Variants in DAB1 observed in about 807,000 individuals in gnomAD.
DAB1 encodes the protein disabled homolog 1.
DAB1 carries 15 observed loss-of-function variants against 64.6 expected under a neutral mutation model. That is an observed-to-expected ratio of 0.23 (90% CI 0.16 to 0.36). DAB1 has a LOEUF of 0.36. DAB1 is among the 10% of genes least tolerant of loss of function. DAB1 has a pLI of 1.00. For synonymous variants in DAB1, 235 were observed against 251.9 expected (o/e 0.93, Z 0.64); for missense variants, 596 against 706.7 (o/e 0.84, Z 1.78).
intron 6 of DAB1, among the ~76,000 whole-genome samples, chr1:57,693,293 G>T (rs1306333250): frequency 6.6e-6 from 1 of 151,148 alleles, no homozygotes; most frequent in East Asian, 1.9e-4. Context: ...ATTAAGAGGT[G>T]AAGCCAGCTG....
chr1:58,358,429 C>G (rs933951416), intron 3 of DAB1, among the ~76,000 whole-genome samples: 1 of 152,188 alleles, frequency 6.6e-6, no homozygotes, highest in Admixed American at 6.5e-5. Context: ...AAAAAAAGCA[C>G]TGCCACCAAC....
chr1:58,128,467 G>A (rs1653289698), intron 5 of DAB1, among the ~76,000 whole-genome samples: 1 of 131,414 alleles, frequency 7.6e-6, no homozygotes, highest in South Asian at 3.0e-4. Context: ...CTGCCTAATT[G>A]CCCTGGCCAG....
intron 3 of DAB1, among the ~76,000 whole-genome samples, chr1:58,445,696 A>C (rs1645057858): frequency 6.6e-6 from 1 of 152,212 alleles, no homozygotes; most frequent in African/African-American, 2.4e-5. Flanking sequence ...GCTTTCCTTC[A>C]AGGAGTGACA....
At chr1:57,357,443 A>G (rs940669885) in intron 1 of DAB1, among the ~76,000 whole-genome samples, 2 of 151,264 alleles carry the variant, frequency 1.3e-5, no homozygotes, top group African/African-American at 4.9e-5. Flanking sequence ...CCATAGTACT[A>G]TAAAATATAA....
intron 2 of DAB1, among the ~76,000 whole-genome samples, chr1:57,222,640 C>CCAGGGAATCTGGACCTGATTCACTG (rs1666969037): frequency 1.3e-5 from 2 of 152,184 alleles, no homozygotes; most frequent in Middle Eastern, 3.4e-3. Context: ...GTTCACAATG[C>CCAGGGAATCTGGACCTGATTCACTG]CAGGGAATCT....
At chr1:57,232,720 T>C (rs1667778495) in intron 2 of DAB1, among the ~76,000 whole-genome samples, 1 of 152,122 alleles carries the variant, frequency 6.6e-6, no homozygotes, top group East Asian at 1.9e-4. Flanking sequence ...TGAGCTGACA[T>C]TTATTAGGCA....
Position 57,340,669 on chromosome 1 carries a change from A to T in DAB1, c.-136-49503T>A, listed in dbSNP as rs574860547. 3.9e-5 allele frequency among the ~76,000 whole-genome samples: 6 copies of T among 152,216 alleles called. No individual in the cohort carries two copies. In the East Asian group the frequency reaches 1.2e-3, roughly 29 times the overall value. The stretch of plus-strand genomic sequence containing the variant: ...TAACAATAGGTAACATTTATTGAGT[A>T]TCAGTCTTGTGCCTGGCCTCAAAGT... On this transcript the variant is annotated intron_variant, in intron 1 of 14. Transcript: ENST00000371236.
At chr1:57,643,765 T>C (rs1646158840) in intron 7 of DAB1, among the ~76,000 whole-genome samples, 1 of 152,196 alleles carries the variant, frequency 6.6e-6, no homozygotes, top group South Asian at 2.1e-4. Context: ...GCTCAACACT[T>C]GGTCACAATT....
At chr1:58,135,434 C>T (rs1183979569) in intron 5 of DAB1, among the ~76,000 whole-genome samples, 1 of 152,130 alleles carries the variant, frequency 6.6e-6, no homozygotes, top group Admixed American at 6.5e-5. Context: ...GTACCTGGTA[C>T]TCAGTGCTGA....
chr1:57,338,546 G>T (rs1007790114), intron 1 of DAB1, among the ~76,000 whole-genome samples: 1 of 152,120 alleles, frequency 6.6e-6, no homozygotes, highest in African/African-American at 2.4e-5. Context: ...CTATTTTTAT[G>T]CAAGTTTCTG....
At chr1:57,241,417 G>A (rs530177061) in intron 2 of DAB1, among the ~76,000 whole-genome samples, 1 of 152,126 alleles carries the variant, frequency 6.6e-6, no homozygotes, top group Non-Finnish European at 1.5e-5. Context: ...AAAACACCCA[G>A]GTTTCATTCT....
At chr1:57,402,473 A>G (rs1683324156) in intron 1 of DAB1, among the ~76,000 whole-genome samples, 1 of 152,130 alleles carries the variant, frequency 6.6e-6, no homozygotes, top group African/African-American at 2.4e-5. Context: ...ACTAATAGGG[A>G]TGGTTTAATT....
intron 7 of DAB1, among the ~76,000 whole-genome samples, chr1:57,549,435 C>G (rs938461158): frequency 1.3e-5 from 2 of 152,184 alleles, no homozygotes; most frequent in African/African-American, 4.8e-5. Context: ...GAAATCCCTT[C>G]AAGCCGGGGC....
chr1:58,213,331 G>C (rs578236640), intron 4 of DAB1, among the ~76,000 whole-genome samples: 2 of 152,196 alleles, frequency 1.3e-5, no homozygotes, highest in African/African-American at 4.8e-5. Context: ...CATTGTATTA[G>C]TCTGTTCTTA....
intron 2 of DAB1, among the ~76,000 whole-genome samples, chr1:57,193,229 C>G (rs543985095): frequency 2.0e-5 from 3 of 152,000 alleles, no homozygotes; most frequent in South Asian, 4.2e-4. Context: ...CCACCCACCC[C>G]ACCCGGTCCC....
chr1:58,323,453 C>A (rs1662742136), intron 4 of DAB1, among the ~76,000 whole-genome samples: 1 of 152,028 alleles, frequency 6.6e-6, no homozygotes, highest in African/African-American at 2.4e-5. Context: ...CACCAAGAAC[C>A]TGTGTAGTTG....
chr1:57,131,671 TG>T (rs1235091258), intron 4 of DAB1, among the ~76,000 whole-genome samples: 2 of 152,224 alleles, frequency 1.3e-5, no homozygotes, highest in Non-Finnish European at 2.9e-5. Flanking sequence ...AGGTGACATC[TG>T]GTTTTCACTG....
chr1:57,796,017 T>C (rs888113235), intron 6 of DAB1, among the ~76,000 whole-genome samples: 1 of 151,852 alleles, frequency 6.6e-6, no homozygotes, highest in Non-Finnish European at 1.5e-5. Flanking sequence ...ATGCACGCTG[T>C]GGTAAATTTA....
intron 1 of DAB1, among the ~76,000 whole-genome samples, chr1:57,835,350 A>G (rs1652763662): frequency 6.6e-6 from 1 of 152,190 alleles, no homozygotes; most frequent in African/African-American, 2.4e-5. Context: ...TATGTTAGCT[A>G]TCATCAACCC....
Sources: gnomAD v4.1 joint callset for allele counts (sites outside exome capture counted in the v4.1 genomes callset) on GRCh38, gnomAD v4.1.1 for gene constraint, MANE v1.5 for transcripts, NCBI Gene and HGNC (gene_info 2026-07-23, HGNC 2026-07-21) for gene names.